Variants in PIK3CB observed in about 807,000 individuals in gnomAD.
PIK3CB encodes the protein phosphatidylinositol 4,5-bisphosphate 3-kinase catalytic subunit beta isoform.
A neutral mutation model predicts 136.8 loss-of-function variants in PIK3CB; 39 were observed. The observed-to-expected ratio is 0.29, with a 90% CI of 0.22 to 0.37. The LOEUF is 0.37. PIK3CB is among the 10% of genes least tolerant of loss of function. PIK3CB has a pLI of 1.00. For missense variants in PIK3CB, 868 were observed against 1,275.4 expected (o/e 0.68, Z 4.87); for synonymous variants, 428 against 436.6 (o/e 0.98, Z 0.25).
At chr3:138,702,471 G>T (rs999213951) in intron 12 of PIK3CB, among the ~76,000 whole-genome samples, 1 of 152,146 alleles carries the variant, frequency 6.6e-6, no homozygotes, top group African/African-American at 2.4e-5. Flanking sequence ...TCAGTGTGTA[G>T]CAAACTCTCT....
intron 2 of PIK3CB, among the ~76,000 whole-genome samples, chr3:138,773,117 CA>C (rs976494803): frequency 3.9e-5 from 6 of 151,950 alleles, no homozygotes; most frequent in African/African-American, 1.4e-4. Context: ...TTCTAAACCA[CA>C]GCCCAGGCAC....
chr3:138,810,199 T>A (rs1055143718), intron 1 of PIK3CB, among the ~76,000 whole-genome samples: 9 of 152,146 alleles, frequency 5.9e-5, no homozygotes, highest in Non-Finnish European at 1.2e-4. Context: ...AGTAAATGAT[T>A]AAACAAATAA....
intron 21 of PIK3CB, among the ~76,000 whole-genome samples, chr3:138,660,062 T>C (rs1451748233): frequency 1.3e-5 from 2 of 151,820 alleles, no homozygotes; most frequent in African/African-American, 4.8e-5. Flanking sequence ...ATCTTCTCTC[T>C]ATTTATCATA....
At chr3:138,809,914 G>C (rs112245540) in intron 1 of PIK3CB, among the ~76,000 whole-genome samples, 2 of 152,240 alleles carry the variant, frequency 1.3e-5, no homozygotes, top group African/African-American at 4.8e-5. Context: ...AAAGGGACCA[G>C]TTCCCTTGGA....
At chr3:138,679,427 T>C (rs1284716762) in intron 19 of PIK3CB, among the ~76,000 whole-genome samples, 1 of 152,096 alleles carries the variant, frequency 6.6e-6, no homozygotes, top group East Asian at 1.9e-4. Context: ...TTCCAAAATA[T>C]TAGGATTACA....
At chr3:138,700,152 G>A (rs577102599) in intron 12 of PIK3CB, among the ~76,000 whole-genome samples, 63 of 152,270 alleles carry the variant, frequency 4.1e-4, no homozygotes, top group African/African-American at 1.5e-3. Flanking sequence ...AGCTCAGGAG[G>A]TTGAGGCTGC....
At chr3:138,744,382 G>A (rs1487429036) in intron 4 of PIK3CB, among the ~76,000 whole-genome samples, 11 of 60,418 alleles carry the variant, frequency 1.8e-4, no homozygotes, top group East Asian at 2.3e-3. Flanking sequence ...GTGACAGAGC[G>A]AGACTCCCCC....
At chr3:138,804,445 G>T (rs750526007) in intron 1 of PIK3CB, among the ~76,000 whole-genome samples, 4 of 152,060 alleles carry the variant, frequency 2.6e-5, no homozygotes. Flanking sequence ...GCCCAAGAAG[G>T]TTGAGGCTGC....
intron 2 of PIK3CB, among the ~76,000 whole-genome samples, chr3:138,784,508 T>C (rs2045953689): frequency 1.3e-5 from 2 of 151,684 alleles, no homozygotes; most frequent in South Asian, 4.2e-4. Flanking sequence ...TACCACCATC[T>C]CGGCTCACTG....
At chr3:138,663,730 A>G (rs900054430) in intron 21 of PIK3CB, among the ~76,000 whole-genome samples, 176 bp downstream of exon 21, 4 of 152,200 alleles carry the variant, frequency 2.6e-5, no homozygotes, top group Admixed American at 2.0e-4. Flanking sequence ...GCAAGCAAAC[A>G]AATGAATACA....
At chr3:138,722,691 CT>C (rs1278611648) in intron 8 of PIK3CB, among the ~76,000 whole-genome samples, 2 of 146,776 alleles carry the variant, frequency 1.4e-5, no homozygotes, top group African/African-American at 5.1e-5. Context: ...GCTATAAAAG[CT>C]CAAAAAAAAA....
intron 5 of PIK3CB, among the ~76,000 whole-genome samples, chr3:138,740,498 C>G (rs2045221666): frequency 6.6e-6 from 1 of 152,176 alleles, no homozygotes; most frequent in South Asian, 2.1e-4. Flanking sequence ...TCAAAGAACA[C>G]AGGCTAGGAT....
chr3:138,816,280 A>C (rs574795161), intron 1 of PIK3CB, among the ~76,000 whole-genome samples: 19 of 152,058 alleles, frequency 1.2e-4, no homozygotes, highest in Non-Finnish European at 2.5e-4. Context: ...ACTGTCTCTA[A>C]AAAGTAAATA....
At chr3:138,702,456 C>T (rs1043023170) in intron 12 of PIK3CB, among the ~76,000 whole-genome samples, 1 of 152,146 alleles carries the variant, frequency 6.6e-6, no homozygotes, top group Non-Finnish European at 1.5e-5. Context: ...AAGATTACTG[C>T]ATGCTCAGTG....
chr3:138,819,891 G>A (rs925740549), intron 1 of PIK3CB, among the ~76,000 whole-genome samples: 4 of 152,096 alleles, frequency 2.6e-5, no homozygotes, highest in Non-Finnish European at 4.4e-5. Flanking sequence ...CAGGAGAATC[G>A]CTTGAACCTC....
chr3:138,662,730 A>G (rs1366373330), intron 21 of PIK3CB, among the ~76,000 whole-genome samples: 10 of 151,934 alleles, frequency 6.6e-5, no homozygotes, highest in African/African-American at 2.4e-4. Context: ...TCCCACCAAC[A>G]ATGTAAAAGT....
intron 1 of PIK3CB, among the ~76,000 whole-genome samples, chr3:138,812,683 A>C (rs1933126045): frequency 6.6e-6 from 1 of 151,644 alleles, no homozygotes. Context: ...ATGTGCCACC[A>C]CGCCCAGCTA....
chr3:138,763,922 C>A (rs142986061), intron 2 of PIK3CB, among the ~76,000 whole-genome samples: 1 of 150,144 alleles, frequency 6.7e-6, no homozygotes, highest in African/African-American at 2.4e-5. Flanking sequence ...ACCAGCCTGA[C>A]CAACATGGTG....
intron 2 of PIK3CB, among the ~76,000 whole-genome samples, chr3:138,765,258 A>C (rs575736271): frequency 1.9e-4 from 29 of 152,192 alleles, no homozygotes; most frequent in African/African-American, 2.4e-4. Context: ...CGGAAGTTGC[A>C]GTAAGCCAAG....
Sources: gnomAD v4.1 joint callset for allele counts (sites outside exome capture counted in the v4.1 genomes callset) on GRCh38, gnomAD v4.1.1 for gene constraint, MANE v1.5 for transcripts, NCBI Gene and HGNC (gene_info 2026-07-23, HGNC 2026-07-21) for gene names.